Variants in EFEMP2 observed in about 807,000 individuals in gnomAD.
EFEMP2 encodes the protein EGF-containing fibulin-like extracellular matrix protein 2.
Under a neutral mutation model 55.3 loss-of-function variants are expected in EFEMP2, and 21 were observed. The ratio of observed to expected loss-of-function variants is 0.38; its 90% confidence interval spans 0.27 to 0.55. The LOEUF is 0.55. Among genes scored for constraint, EFEMP2 ranks in the 20% least tolerant of loss-of-function variants. The probability of loss-of-function intolerance (pLI) is 0.77; values close to 1 mark genes in which losing one functional copy is unlikely to be tolerated. For synonymous variants in EFEMP2, 275 were observed against 242.3 expected, an observed-to-expected ratio of 1.14 and a Z score of -1.25; for missense variants, 513 against 615.1, an observed-to-expected ratio of 0.83 and a Z score of 1.76.
chr11:65,867,843 G>A lies in EFEMP2; in HGVS notation c.1170+18C>T. ...GTTTTAGATTGTGCATGTCAGTTGAGGGTTGCAGAAACCTTACCCTAATGT... is the reference window on the plus strand; with the variant it reads ...GTTTTAGATTGTGCATGTCAGTTGAAGGTTGCAGAAACCTTACCCTAATGT... On this transcript the variant is annotated intron_variant, in intron 10 of 10. Coordinates refer to ENST00000307998, the MANE Select transcript of EFEMP2 (RefSeq NM_016938.5). 1 of 1,613,584 alleles carries A rather than the reference G, an allele frequency of 6.2e-7. No individual in the cohort carries two copies. Among genetic ancestry groups the A allele is most frequent in the Non-Finnish European group, 8.5e-7 (1 of 1,179,634 alleles).
At chr11:65,869,763 G>C in intron 7 of EFEMP2, 94 bp downstream of exon 7, 1 of 1,572,490 alleles carries the variant, frequency 6.4e-7, no homozygotes, top group Non-Finnish European at 8.7e-7. Context: ...ACAGGAGGCG[G>C]AGGCCTCAAA....
chr11:65,872,146 C>A, intron 2 of EFEMP2, 98 bp downstream of exon 2: 1 of 1,500,336 alleles, frequency 6.7e-7, no homozygotes, highest in Non-Finnish European at 9.1e-7. Flanking sequence ...TCTCCACCAG[C>A]CAGGGGAGGA....
chr11:65,871,426 C>G, intron 3 of EFEMP2, 63 bp from the exon 4 acceptor site: 1 of 1,506,740 alleles, frequency 6.6e-7, no homozygotes, highest in Non-Finnish European at 9.2e-7. Flanking sequence ...GGAGCGGAGG[C>G]AGGAACCCAG....
intron 10 of EFEMP2, 22 bp from the exon 11 acceptor site, chr11:65,867,101 G>A (rs774130978): frequency 6.6e-5 from 107 of 1,613,320 alleles, no homozygotes; most frequent in Non-Finnish European, 8.6e-5. Flanking sequence ...TGGGTGGGGG[G>A]ACATATATAT....
At chr11:65,867,781 C>G in intron 10 of EFEMP2, 80 bp downstream of exon 10, 1 of 1,518,616 alleles carries the variant, frequency 6.6e-7, no homozygotes, top group Admixed American at 1.7e-5. Flanking sequence ...GGCATAGCAG[C>G]CTGGCCGAGT....
At chr11:65,870,361 G>A in intron 5 of EFEMP2, 124 bp from the exon 6 acceptor site, 2 of 1,401,296 alleles carry the variant, frequency 1.4e-6, no homozygotes, top group South Asian at 2.3e-5. Flanking sequence ...AATTAGGCAG[G>A]GTCAGCCAGG....
rs900644594 is a variant in EFEMP2, at chr11:65,872,022, G to T, written c.112-4C>A. The T allele has an allele frequency of 1.0e-5, 16 of 1,551,510 alleles. No individual in the cohort carries two copies. Among genetic ancestry groups the T allele is most frequent in the Non-Finnish European group, 1.4e-5 (16 of 1,146,972 alleles). ...ACTCATAGCCATCTGTGCATTCCTGGAAGGGAACCAGAAGTGGCCAGTGGT... is the reference window on the plus strand; with the variant it reads ...ACTCATAGCCATCTGTGCATTCCTGTAAGGGAACCAGAAGTGGCCAGTGGT... On this transcript the variant is annotated splice_region_variant and splice_polypyrimidine_tract_variant and intron_variant, in intron 2 of 10. Coordinates refer to ENST00000307998, the MANE Select transcript of EFEMP2 (RefSeq NM_016938.5).
chr11:65,867,118 A>G, intron 10 of EFEMP2, 39 bp from the exon 11 acceptor site: 1 of 1,611,976 alleles, frequency 6.2e-7, no homozygotes, highest in Non-Finnish European at 8.5e-7. Context: ...ATATTGTGTC[A>G]GCCTGTGTGC....
chr11:65,867,835 T>G (rs374808497), intron 10 of EFEMP2, 26 bp downstream of exon 10: 397 of 1,612,894 alleles, frequency 2.5e-4, no homozygotes, highest in Non-Finnish European at 3.0e-4. Flanking sequence ...ATTGTGCATG[T>G]CAGTTGAGGG....
At chr11:65,867,782 C>T in intron 10 of EFEMP2, 79 bp downstream of exon 10, 1 of 1,526,628 alleles carries the variant, frequency 6.6e-7, no homozygotes, top group Non-Finnish European at 9.0e-7. Context: ...GCATAGCAGC[C>T]TGGCCGAGTT....
At chr11:65,868,156 C>A (rs1053067210) in intron 9 of EFEMP2, 100 bp from the exon 10 acceptor site, 4 of 1,560,088 alleles carry the variant, frequency 2.6e-6, no homozygotes, top group Non-Finnish European at 3.5e-6. Flanking sequence ...ACCCTTCTAC[C>A]CCTGTGACTG....
chr11:65,870,539 C>T lies in EFEMP2; in HGVS notation c.487G>A (p.Val163Met). 1 of 1,614,004 alleles carries T rather than the reference C, an allele frequency of 6.2e-7. No homozygotes were observed. Among genetic ancestry groups the T allele is most frequent in the Non-Finnish European group, 8.5e-7 (1 of 1,179,958 alleles). Reference sequence around the variant, plus strand: ...AGAAGCTGCTTCCTGGACTCACCCACACACTCGGGCCCGATCTTGCGGTAA... The same window carrying T: ...AGAAGCTGCTTCCTGGACTCACCCATACACTCGGGCCCGATCTTGCGGTAA... ...DGYRKIGPECVDIDECRYRYC... is the reference protein window; with the variant it reads ...DGYRKIGPECMDIDECRYRYC... The change falls in exon 5 of 11, where the codon GTG becomes ATG. Residue 163 changes from valine to methionine, a missense_variant. By Grantham distance (21) the Val-to-Met change is conservative. Coordinates refer to ENST00000307998, the MANE Select transcript of EFEMP2 (RefSeq NM_016938.5).
intron 3 of EFEMP2, chr11:65,871,620 T>G (rs1326426561): frequency 1.3e-5 from 8 of 598,938 alleles, no homozygotes; most frequent in Non-Finnish European, 2.1e-5. Flanking sequence ...GCCCTAGCCC[T>G]AGCTCAGCCC....
intron 3 of EFEMP2, 23 bp from the exon 4 acceptor site, chr11:65,871,386 C>T (rs1859963276): frequency 1.2e-6 from 2 of 1,611,812 alleles, no homozygotes; most frequent in African/African-American, 2.7e-5. Context: ...GCCTGCTGGG[C>T]ACAGCCAGTC....
chr11:65,870,448 G>C (rs72924781), intron 5 of EFEMP2, 88 bp downstream of exon 5: 2 of 1,589,242 alleles, frequency 1.3e-6, no homozygotes, highest in South Asian at 2.3e-5. Context: ...CGGGGGTGAA[G>C]CCTGGCTTGA....
chr11:65,868,544 C>A lies in EFEMP2; in HGVS notation c.813G>T (p.Gln271His). 1.2e-6 allele frequency: 2 copies of A among 1,614,094 alleles called. No individual in the cohort carries two copies. The highest frequency in any genetic ancestry group is 3.3e-4 in the Middle Eastern group (2 of 6,062). Reference sequence around the variant, plus strand: ...GGCGTGTGGCCAGCAGCTGGTAACCCTGTGGGCAGTGGCAGGAGAAACGGC... The same window carrying A: ...GGCGTGTGGCCAGCAGCTGGTAACCATGTGGGCAGTGGCAGGAGAAACGGC... The part of the protein sequence containing the change: ...EPGRFSCHCP[Q>H]GYQLLATRLC... The change falls in exon 8 of 11, where the codon CAG becomes CAT. Residue 271 changes from glutamine to histidine, a missense_variant. Gln to His is a conservative substitution (Grantham distance 24, BLOSUM62 0). Transcript: ENST00000307998.
At chr11:65,872,114 G>C in intron 2 of EFEMP2, 96 bp from the exon 3 acceptor site, 3 of 1,520,970 alleles carry the variant, frequency 2.0e-6, no homozygotes, top group Non-Finnish European at 2.7e-6. Context: ...CCTCCGGCCT[G>C]CTCCAAACAA....
At position 65,866,583 on chromosome 11, in the gene EFEMP2, G is replaced by A. The variant is rs935076468; in HGVS notation, c.*335C>T. ...CAGAGTGGAGTTTCTTAGGACCCCT[G>A]CAAGCCAGCCAAGTCCAAATCTCTG... On this transcript the variant is annotated 3_prime_UTR_variant, in exon 11 of 11. Coordinates refer to ENST00000307998, the MANE Select transcript of EFEMP2 (RefSeq NM_016938.5). The A allele has an allele frequency of 3.0e-5, 21 of 702,754 alleles. No individual in the cohort carries two copies. The highest frequency in any genetic ancestry group is 3.0e-4 in the African/African-American group (17 of 57,186). The allele number at this position is 702,754 out of a possible 1,614,324, so 43.5% of individuals were successfully genotyped here. A position where few individuals can be genotyped will look rare whatever the true frequency, so the allele number is the denominator to read the frequency against.
In EFEMP2 at chr11:65,871,309, A is replaced by T; in HGVS notation, c.215T>A (p.Ile72Asn). 6.2e-7 allele frequency: 1 copy of T among 1,614,140 alleles called. No individual in the cohort carries two copies. Among genetic ancestry groups the T allele is most frequent in the Non-Finnish European group, 8.5e-7 (1 of 1,179,996 alleles). ...PEACKGEMKC[I>N]NHYGGYLCLP... ...GCACAAGTAGCCCCCGTAGTGGTTG[A>T]TGCACTTCATTTCCCCCTTGCAGGC... The change falls in exon 4 of 11, where the codon ATC becomes AAC. Residue 72 changes from isoleucine (I) to asparagine (N), a missense_variant. Physicochemically the swap from Ile to Asn is moderately radical, Grantham distance 149 (BLOSUM62 -3). Coordinates refer to ENST00000307998, the MANE Select transcript of EFEMP2 (RefSeq NM_016938.5).
Sources: allele counts gnomAD v4.1 joint callset, GRCh38; gene constraint gnomAD v4.1.1; transcripts MANE v1.5; gene names NCBI Gene and HGNC (gene_info 2026-07-23, HGNC 2026-07-21).